TMEM117: variants seen among roughly 807,000 people sequenced by gnomAD.
TMEM117 encodes transmembrane protein 117.
A neutral mutation model predicts 52.4 loss-of-function variants in TMEM117; 27 were observed. The observed-to-expected ratio is 0.51, with a 90% confidence interval of 0.38 to 0.71. The LOEUF is 0.71. Ranked by LOEUF, TMEM117 falls within the 30% of genes least tolerant of loss-of-function variation. The pLI, the probability that TMEM117 is intolerant of heterozygous loss-of-function variation, is 0.00. For missense variants in TMEM117, 556 were observed against 630.5 expected, an observed-to-expected ratio of 0.88 and a Z score of 1.26; for synonymous variants, 215 against 206.3, an observed-to-expected ratio of 1.04 and a Z score of -0.36.
intron 3 of TMEM117, among the ~76,000 whole-genome samples, chr12:43,952,793 A>G (rs1425315915): frequency 6.6e-6 from 1 of 152,032 alleles, no homozygotes; most frequent in Non-Finnish European, 1.5e-5. Flanking sequence ...AATCCAGAGA[A>G]CCTCAATAAG....
At chr12:44,208,398 T>A (rs1242646409) in intron 4 of TMEM117, among the ~76,000 whole-genome samples, 1 of 152,112 alleles carries the variant, frequency 6.6e-6, no homozygotes, top group Non-Finnish European at 1.5e-5. Context: ...ATTTGCAATT[T>A]CAAATTCTAA....
chr12:43,851,966 C>T (rs1052291797), intron 2 of TMEM117, among the ~76,000 whole-genome samples: 6 of 152,172 alleles, frequency 3.9e-5, no homozygotes, highest in South Asian at 2.1e-4. Flanking sequence ...ATTTCATATT[C>T]TTGTGTCTTA....
intron 6 of TMEM117, among the ~76,000 whole-genome samples, chr12:44,325,451 G>A (rs369521534): frequency 4.6e-5 from 7 of 151,680 alleles, no homozygotes; most frequent in African/African-American, 1.7e-4. Context: ...GACAAGGGAC[G>A]AAAGATGTGC....
the TMEM117 span, chr12:43,799,647 C>G: frequency 2.0e-6 from 1 of 511,926 alleles, no homozygotes; most frequent in South Asian, 3.8e-5. Context: ...TTTTACTTTT[C>G]TTTAATCCTC....
the TMEM117 span, chr12:43,805,671 G>T: frequency 1.4e-6 from 1 of 706,968 alleles, no homozygotes; most frequent in Non-Finnish European, 2.2e-6. Context: ...GCTTACACTC[G>T]AGATTTCTCA....
At chr12:44,054,840 C>T (rs572035734) in intron 3 of TMEM117, among the ~76,000 whole-genome samples, 1 of 151,804 alleles carries the variant, frequency 6.6e-6, no homozygotes, top group Admixed American at 6.6e-5. Flanking sequence ...ATGTTGCACC[C>T]ATTAACTCAT....
At chr12:43,885,124 G>A (rs1299685402) in intron 2 of TMEM117, among the ~76,000 whole-genome samples, 1 of 152,184 alleles carries the variant, frequency 6.6e-6, no homozygotes, top group African/African-American at 2.4e-5. Context: ...ATTTATGAAA[G>A]TGAGGCAGCA....
intron 3 of TMEM117, among the ~76,000 whole-genome samples, chr12:44,115,720 CTCAT>C (rs1565834243): frequency 1.3e-5 from 2 of 152,152 alleles, no homozygotes; most frequent in East Asian, 3.8e-4. Flanking sequence ...GATTGATCAA[CTCAT>C]TCATTTACTC....
intron 3 of TMEM117, among the ~76,000 whole-genome samples, chr12:44,042,710 A>T (rs993376524): frequency 6.6e-6 from 1 of 151,260 alleles, no homozygotes; most frequent in Non-Finnish European, 1.5e-5. Flanking sequence ...TTCAACTTGT[A>T]GACAGCCTAT....
chr12:44,105,444 G>T (rs540502726), intron 3 of TMEM117, among the ~76,000 whole-genome samples: 1 of 151,422 alleles, frequency 6.6e-6, no homozygotes, highest in Non-Finnish European at 1.5e-5. Context: ...TAATTCCAGC[G>T]TTCCTGCCAT....
In TMEM117 at chr12:44,143,619, T is replaced by G; in HGVS notation, c.505T>G (p.Trp169Gly). The change falls in exon 4 of 8, where the codon TGG becomes GGG. Residue 169 changes from tryptophan to glycine, a missense_variant. Transcript: ENST00000266534. ...CTGGATGGGGGACTTTGTCACAGCT[T>G]GGATGGTAAGAAAATTTTAACTTCA... Reference protein sequence around the residue: ...GTWMGDFVTAWMVTDMMLQDK... With the variant: ...GTWMGDFVTAGMVTDMMLQDK... 6.2e-7 allele frequency: 1 copy of G among 1,611,984 alleles called. No individual in the cohort carries two copies. The highest frequency in any genetic ancestry group is 8.5e-7 in the Non-Finnish European group (1 of 1,179,132).
intron 3 of TMEM117, among the ~76,000 whole-genome samples, chr12:44,052,033 G>A (rs924078968): frequency 2.0e-5 from 3 of 152,102 alleles, no homozygotes; most frequent in Admixed American, 6.6e-5. Flanking sequence ...TTAAGTTTTA[G>A]TTTTCTTATC....
intron 3 of TMEM117, among the ~76,000 whole-genome samples, chr12:43,957,968 G>A (rs1452482870): frequency 6.6e-6 from 1 of 152,164 alleles, no homozygotes; most frequent in Non-Finnish European, 1.5e-5. Flanking sequence ...AGCACTGATT[G>A]TCTCATTAAT....
chr12:43,834,645 A>G (rs1301981743), upstream of TMEM117, among the ~76,000 whole-genome samples: 1 of 152,188 alleles, frequency 6.6e-6, no homozygotes, highest in Non-Finnish European at 1.5e-5. Context: ...TGGGGGTTCT[A>G]TTTCTTAAGA....
intron 6 of TMEM117, among the ~76,000 whole-genome samples, chr12:44,323,040 T>C (rs1565714480): frequency 6.6e-6 from 1 of 152,086 alleles, no homozygotes; most frequent in Non-Finnish European, 1.5e-5. Context: ...ACCAGAGAGA[T>C]AGCAGTGTGA....
chr12:43,902,247 T>A (rs1027447511), intron 2 of TMEM117, among the ~76,000 whole-genome samples: 2 of 152,062 alleles, frequency 1.3e-5, no homozygotes. Flanking sequence ...CTATAGACAC[T>A]GGGGGAAAGA....
chr12:44,116,985 G>T (rs1053573597), intron 3 of TMEM117, among the ~76,000 whole-genome samples: 1 of 152,062 alleles, frequency 6.6e-6, no homozygotes, highest in African/African-American at 2.4e-5. Context: ...AACACAAACT[G>T]TATCATCTGG....
chr12:44,275,184 G>A (rs941951848), intron 5 of TMEM117, among the ~76,000 whole-genome samples: 1 of 152,070 alleles, frequency 6.6e-6, no homozygotes, highest in African/African-American at 2.4e-5. Flanking sequence ...ATGGCAAACA[G>A]GCAGATGAAA....
In TMEM117 at chr12:44,215,167, A is replaced by G. The variant is rs140782908; in HGVS notation, c.608+3780A>G. 2.1e-4 allele frequency among the ~76,000 whole-genome samples: 32 copies of G among 152,356 alleles called. No homozygotes were observed. The East Asian group carries it at 6.0e-3, about 28-fold the overall frequency. On this transcript the variant is annotated intron_variant, in intron 5 of 7. Transcript: ENST00000266534. The stretch of plus-strand genomic sequence containing the variant: ...ATCTTTCTTAAGTTGCAATGTGACT[A>G]TGCACAGCAGTTTGAGCAGCACAAC...
Sources: allele counts gnomAD v4.1 joint callset (sites outside exome capture counted in the v4.1 genomes callset), GRCh38; gene constraint gnomAD v4.1.1; transcripts MANE v1.5; gene names NCBI Gene and HGNC (gene_info 2026-07-23, HGNC 2026-07-21).